Variants in USP12 observed in about 807,000 individuals in gnomAD.
USP12 encodes ubiquitin carboxyl-terminal hydrolase 12.
A neutral mutation model predicts 45.5 loss-of-function variants in USP12; 19 were observed. The ratio of observed to expected loss-of-function variants is 0.42; its 90% CI spans 0.29 to 0.61. The LOEUF is 0.61. USP12 is among the 20% of genes least tolerant of loss of function. The pLI, the probability that USP12 is intolerant of heterozygous loss-of-function variation, is 0.22. For missense variants in USP12, 242 were observed against 447.7 expected, an observed-to-expected ratio of 0.54 and a Z score of 4.15; for synonymous variants, 149 against 148.8, an observed-to-expected ratio of 1.00 and a Z score of -0.01.
intron 2 of USP12, among the ~76,000 whole-genome samples, chr13:27,111,684 A>G (rs535233933): frequency 2.0e-5 from 3 of 152,334 alleles, no homozygotes; most frequent in Non-Finnish European, 2.9e-5. Flanking sequence ...ACATTTATAA[A>G]TTATACATAC....
At chr13:27,170,415 G>A (rs1446857059) in intron 1 of USP12, 1 of 398,208 alleles carries the variant, frequency 2.5e-6, no homozygotes, top group African/African-American at 2.1e-5. Flanking sequence ...CATAAATAGG[G>A]CCAGTGAGGC....
At chr13:27,103,796 A>G (rs2080177841) in intron 3 of USP12, among the ~76,000 whole-genome samples, 1 of 151,150 alleles carries the variant, frequency 6.6e-6, no homozygotes, top group South Asian at 2.1e-4. Context: ...AGATGAAAAA[A>G]GAAAAAAAGC....
chr13:27,069,525 C>A, intron 8 of USP12, 141 bp from the exon 9 acceptor site: 2 of 649,500 alleles, frequency 3.1e-6, no homozygotes, highest in African/African-American at 1.8e-5. Flanking sequence ...GCAGGGCACA[C>A]CAAAAAAATG....
At chr13:27,137,472 C>T (rs1212211409) in intron 1 of USP12, among the ~76,000 whole-genome samples, 4 of 152,066 alleles carry the variant, frequency 2.6e-5, no homozygotes, top group Non-Finnish European at 5.9e-5. Flanking sequence ...CTGTGCTCAC[C>T]ATCAAAAATG....
At chr13:27,083,872 A>ATT (rs1174954387) in intron 6 of USP12, among the ~76,000 whole-genome samples, 68 of 146,518 alleles carry the variant, frequency 4.6e-4, no homozygotes, top group Non-Finnish European at 2.9e-4. Context: ...ATATATATAT[A>ATT]TATTTTTTTG....
intron 2 of USP12, among the ~76,000 whole-genome samples, chr13:27,113,355 C>T (rs1875558555): frequency 6.6e-6 from 1 of 152,230 alleles, no homozygotes; most frequent in South Asian, 2.1e-4. Context: ...AGCACAACTT[C>T]TTCCCTGTCC....
At chr13:27,171,065 G>A (rs1218793968) in intron 1 of USP12, among the ~76,000 whole-genome samples, 1 of 150,224 alleles carries the variant, frequency 6.7e-6, no homozygotes, top group African/African-American at 2.4e-5. Flanking sequence ...CCCCGGCCGA[G>A]ACCCTTCCTT....
chr13:27,073,562 G>T (rs1873340859), intron 7 of USP12, among the ~76,000 whole-genome samples: 1 of 152,166 alleles, frequency 6.6e-6, no homozygotes, highest in South Asian at 2.1e-4. Context: ...CAATGAGTCA[G>T]GCATCTCAGC....
At chr13:27,153,649 A>T (rs899910323) in intron 1 of USP12, among the ~76,000 whole-genome samples, 16 of 152,248 alleles carry the variant, frequency 1.1e-4, no homozygotes, top group African/African-American at 3.6e-4. Context: ...GAGCTCACAC[A>T]CCCACTTTTC....
At chr13:27,084,167 CAT>C (rs1344467016) in intron 6 of USP12, among the ~76,000 whole-genome samples, 5 of 77,974 alleles carry the variant, frequency 6.4e-5, no homozygotes, top group African/African-American at 2.6e-4. Context: ...TCCATGTTTG[CAT>C]ACACACACAC....
chr13:27,076,029 C>CAAAAAAAA (rs11458818), intron 6 of USP12, among the ~76,000 whole-genome samples: 3 of 98,042 alleles, frequency 3.1e-5, no homozygotes, highest in African/African-American at 1.3e-4. Context: ...GGCTCCGTCT[C>CAAAAAAAA]AAAAAAAAAA....
chr13:27,155,653 G>A lies in USP12; in HGVS notation c.48+15939C>T, dbSNP rs549107160. Reference sequence around the variant, plus strand: ...AGGAGTAGTAAATATATAACCCTGAGGCGGAACATATTAAAAAATGGAAAA... The same window carrying A: ...AGGAGTAGTAAATATATAACCCTGAAGCGGAACATATTAAAAAATGGAAAA... On this transcript the variant is annotated intron_variant, in intron 1 of 8. Transcript: ENST00000282344. Among the ~76,000 whole-genome samples the A allele has an allele frequency of 1.3e-5, 2 of 152,206 alleles. 1 individual carries two copies. Among genetic ancestry groups the A allele is most frequent in the African/African-American group, 4.8e-5 (2 of 41,520 alleles).
intron 3 of USP12, among the ~76,000 whole-genome samples, chr13:27,102,909 T>A (rs1830693102): frequency 6.6e-6 from 1 of 152,220 alleles, no homozygotes; most frequent in Non-Finnish European, 1.5e-5. Flanking sequence ...CTAGCATCCA[T>A]CCCATCAGCA....
At chr13:27,152,309 C>T (rs1376766110) in intron 1 of USP12, among the ~76,000 whole-genome samples, 1 of 152,132 alleles carries the variant, frequency 6.6e-6, no homozygotes, top group Non-Finnish European at 1.5e-5. Flanking sequence ...AAAAGCAATG[C>T]AGTACTGATA....
chr13:27,122,923 C>T (rs1876064410), intron 1 of USP12, among the ~76,000 whole-genome samples: 1 of 151,628 alleles, frequency 6.6e-6, no homozygotes, highest in Non-Finnish European at 1.5e-5. Context: ...GAAACCCCGT[C>T]TCTACTAAAA....
At chr13:27,105,969 G>C (rs1247378368) in intron 2 of USP12, 25 bp from the exon 3 acceptor site, 3 of 1,576,038 alleles carry the variant, frequency 1.9e-6, no homozygotes, top group Non-Finnish European at 2.6e-6. Context: ...AAAAAGTTTT[G>C]TTAAATTTAG....
chr13:27,091,338 T>C (rs1204445596), intron 4 of USP12, among the ~76,000 whole-genome samples: 6 of 152,210 alleles, frequency 3.9e-5, no homozygotes, highest in Admixed American at 3.9e-4. Context: ...CAATTTTGTA[T>C]TCCTCAAAAT....
chr13:27,122,878 G>C (rs1416790127), intron 1 of USP12, among the ~76,000 whole-genome samples: 1 of 151,950 alleles, frequency 6.6e-6, no homozygotes, highest in Non-Finnish European at 1.5e-5. Context: ...CAGATCAAGA[G>C]GTCAGGAGAT....
intron 2 of USP12, among the ~76,000 whole-genome samples, chr13:27,114,716 C>T (rs1875628820): frequency 6.6e-6 from 1 of 151,388 alleles, no homozygotes; most frequent in African/African-American, 2.4e-5. Context: ...AGCAACTACT[C>T]TGTTTAATTT....
Sources: allele counts gnomAD v4.1 joint callset (sites outside exome capture counted in the v4.1 genomes callset), GRCh38; gene constraint gnomAD v4.1.1; transcripts MANE v1.5; gene names NCBI Gene and HGNC (gene_info 2026-07-23, HGNC 2026-07-21).